MIR2052HG: variants seen among roughly 807,000 people sequenced by gnomAD.
The protein encoded by MIR2052HG is MIR2052 host gene.
At position 74,659,872 on chromosome 8, in the gene MIR2052HG, G is replaced by A. The variant is rs534506436; in HGVS notation, n.217-42507G>A. Among the ~76,000 whole-genome samples the A allele has an allele frequency of 1.7e-3, 257 of 152,194 alleles. 2 individuals carry two copies. Among genetic ancestry groups the A allele is most frequent in the Middle Eastern group, 0.014 (4 of 294 alleles). On this transcript the variant is annotated intron_variant and non_coding_transcript_variant, in intron 2 of 6. Transcript: ENST00000523442. Reference sequence around the variant, plus strand: ...GCTAAATATATTATTAATGTACTTAGGACAGTCTAAAGTTATTCATATTTT... The same window carrying A: ...GCTAAATATATTATTAATGTACTTAAGACAGTCTAAAGTTATTCATATTTT...
At chr8:74,612,361 T>TA (rs1238882711) in intron 1 of MIR2052HG, 2 of 157,224 alleles carry the variant, frequency 1.3e-5, no homozygotes, top group East Asian at 3.8e-4. Context: ...GCATTTCTCA[T>TA]ATCTTCACTT....
chr8:74,730,725 C>T (rs1178627676), intron 4 of MIR2052HG, among the ~76,000 whole-genome samples: 1 of 152,122 alleles, frequency 6.6e-6, no homozygotes, highest in African/African-American at 2.4e-5. Context: ...TTTTAGGATT[C>T]TGCCTGTAGA....
intron 2 of MIR2052HG, among the ~76,000 whole-genome samples, chr8:74,677,399 T>C (rs1427973283): frequency 6.6e-6 from 1 of 152,016 alleles, no homozygotes; most frequent in Non-Finnish European, 1.5e-5. Context: ...ACATAAAGAA[T>C]ATCTAAAAAA....
intron 2 of MIR2052HG, chr8:74,633,418 G>A (rs533121964): frequency 6.6e-6 from 1 of 152,270 alleles, no homozygotes; most frequent in East Asian, 1.9e-4. Context: ...ATTATGACTT[G>A]TCAGGCACAA....
chr8:74,698,154 A>C (rs530594269), intron 2 of MIR2052HG, among the ~76,000 whole-genome samples: 1 of 152,334 alleles, frequency 6.6e-6, no homozygotes, highest in East Asian at 1.9e-4. Flanking sequence ...GGTACTAAAA[A>C]TAGGCACACA....
intron 4 of MIR2052HG, among the ~76,000 whole-genome samples, chr8:74,738,102 CTGTTATGTATGTATG>C (rs1227917067): frequency 7.3e-6 from 1 of 136,774 alleles, no homozygotes; most frequent in Non-Finnish European, 1.6e-5. Context: ...ATGTATGTAT[CTGTTATGTATGTATG>C]TATGTATGTA....
intron 2 of MIR2052HG, among the ~76,000 whole-genome samples, chr8:74,672,849 G>C (rs2128738210): frequency 6.6e-6 from 1 of 152,116 alleles, no homozygotes; most frequent in East Asian, 1.9e-4. Flanking sequence ...TATAATTGTA[G>C]GCTAAGTGCA....
At chr8:74,639,633 A>T (rs1808617847) in intron 2 of MIR2052HG, among the ~76,000 whole-genome samples, 1 of 152,188 alleles carries the variant, frequency 6.6e-6, no homozygotes, top group Admixed American at 6.6e-5. Flanking sequence ...TGCTTAGCCC[A>T]TGATATATAT....
chr8:74,739,924 A>G (rs1327144616), intron 4 of MIR2052HG, among the ~76,000 whole-genome samples: 1 of 152,150 alleles, frequency 6.6e-6, no homozygotes, highest in Non-Finnish European at 1.5e-5. Context: ...GCAGATGGCT[A>G]TACACTATTT....
intron 2 of MIR2052HG, among the ~76,000 whole-genome samples, chr8:74,701,649 C>T (rs1483162563): frequency 6.6e-6 from 1 of 152,068 alleles, no homozygotes; most frequent in African/African-American, 2.4e-5. Flanking sequence ...TTTTCATTTT[C>T]TGAGCTATTT....
intron 4 of MIR2052HG, among the ~76,000 whole-genome samples, chr8:74,710,806 G>C (rs1809459667): frequency 6.6e-6 from 1 of 152,092 alleles, no homozygotes; most frequent in South Asian, 2.1e-4. Flanking sequence ...TAGGAGATTT[G>C]TTTACTTTAT....
intron 2 of MIR2052HG, among the ~76,000 whole-genome samples, chr8:74,624,723 C>T (rs1808411532): frequency 6.6e-6 from 1 of 152,142 alleles, no homozygotes; most frequent in South Asian, 2.1e-4. Flanking sequence ...CCTCCTGGCA[C>T]TTGTGCATTT....
intron 2 of MIR2052HG, among the ~76,000 whole-genome samples, chr8:74,658,807 A>C (rs1808833314): frequency 6.6e-6 from 1 of 152,222 alleles, no homozygotes; most frequent in South Asian, 2.1e-4. Flanking sequence ...AAAGGCAAAC[A>C]GAATCTCTGT....
chr8:74,723,260 C>T (rs1809597651), intron 4 of MIR2052HG, among the ~76,000 whole-genome samples: 1 of 152,226 alleles, frequency 6.6e-6, no homozygotes, highest in African/African-American at 2.4e-5. Flanking sequence ...AGTCATTTCA[C>T]TCTTAACCAT....
chr8:74,704,481 C>T (rs12544139), intron 4 of MIR2052HG, among the ~76,000 whole-genome samples: 35,859 of 151,890 alleles, frequency 0.24, 5,392 homozygotes, highest in East Asian at 0.64. Flanking sequence ...ATAGGAGATC[C>T]AGCAATTTCT....
At chr8:74,744,431 C>T (rs1334143483) in intron 4 of MIR2052HG, among the ~76,000 whole-genome samples, 2 of 151,930 alleles carry the variant, frequency 1.3e-5, no homozygotes, top group African/African-American at 4.8e-5. Flanking sequence ...CCCACTAACT[C>T]GTCATCTAGC....
rs1255786988 is a variant in MIR2052HG, at chr8:74,693,281, G to A, written n.217-9098G>A. Among the ~76,000 whole-genome samples the A allele has an allele frequency of 2.0e-5, 3 of 152,208 alleles. No homozygotes were observed. In the East Asian group the frequency reaches 5.8e-4, roughly 29 times the overall value. On this transcript the variant is annotated intron_variant and non_coding_transcript_variant, in intron 2 of 6. Transcript: ENST00000523442. ...GGGAAGAGCCCTGTGGGCACTCTGG[G>A]TCCAAAGGGAAGCCATTTTTGACTT...
At chr8:74,603,331 T>C in intron 1 of MIR2052HG, 2 of 1,608,248 alleles carry the variant, frequency 1.2e-6, no homozygotes, top group East Asian at 2.2e-5. Context: ...AAGCCTGACA[T>C]TGATTAGATA....
chr8:74,744,528 A>G (rs1222451498), intron 4 of MIR2052HG, among the ~76,000 whole-genome samples: 4 of 144,774 alleles, frequency 2.8e-5, no homozygotes. Flanking sequence ...TCCTGTGTCC[A>G]TGTGATCTCA....
Sources: allele counts gnomAD v4.1 joint callset (sites outside exome capture counted in the v4.1 genomes callset), GRCh38; gene constraint gnomAD v4.1.1; transcripts MANE v1.5; gene names NCBI Gene and HGNC (gene_info 2026-07-23, HGNC 2026-07-21).